DBN1: variants seen among roughly 807,000 people sequenced by gnomAD.
DBN1 encodes the protein drebrin.
In DBN1, 21 loss-of-function variants were observed where a neutral mutation model predicts 83.5. That is an observed-to-expected ratio of 0.25 (90% CI 0.18 to 0.36). The LOEUF is 0.36. Among genes scored for constraint, DBN1 ranks in the 10% least tolerant of loss-of-function variants. The pLI is 1.00. For missense variants in DBN1, 874 were observed against 935.7 expected (o/e 0.93, Z 0.86); for synonymous variants, 381 against 384.9 (o/e 0.99, Z 0.12).
intron 8 of DBN1, chr5:177,462,403 T>C (rs1056339547): frequency 1.0e-6 from 1 of 985,386 alleles, no homozygotes; most frequent in Admixed American, 6.1e-5. Flanking sequence ...CACTGCTTCC[T>C]GGGGAAGGAC....
At chr5:177,473,269 C>T in intron 1 of DBN1, 167 bp downstream of exon 1, 1 of 333,344 alleles carries the variant, frequency 3.0e-6, no homozygotes, top group Non-Finnish European at 5.2e-6. Flanking sequence ...GCCCGCCGGC[C>T]CCTCCCCCGG....
intron 8 of DBN1, 142 bp from the exon 9 acceptor site, chr5:177,460,845 T>A (rs1756978954): frequency 2.5e-6 from 2 of 785,106 alleles, no homozygotes; most frequent in Admixed American, 5.0e-5. Context: ...AGTGGTACAA[T>A]CACGGCTCAC....
Position 177,467,365 on chromosome 5 carries a change from T to C in DBN1, c.478-33A>G. 2 of 1,613,982 alleles carry C rather than the reference T, an allele frequency of 1.2e-6. No homozygotes were observed. Among genetic ancestry groups the C allele is most frequent in the Non-Finnish European group, 8.5e-7 (1 of 1,179,870 alleles). ...GTCGAAGGACCCAGCATAAGCAGGC[T>C]GAATGCCCCAGGAACCCCCGACACC... is the stretch of plus-strand genomic sequence containing the variant. On this transcript the variant is annotated intron_variant, in intron 5 of 14. Transcript: ENST00000393565. The surrounding 1 kb of genome is among the most constrained non-coding windows in gnomAD (Gnocchi z 9.1).
At chr5:177,468,392 G>A (rs561158722) in intron 2 of DBN1, among the ~76,000 whole-genome samples, 172 bp from the exon 3 acceptor site, 105 of 152,244 alleles carry the variant, frequency 6.9e-4, no homozygotes, top group South Asian at 1.2e-3. Flanking sequence ...GGGTGGTGGC[G>A]CACAGGGATG....
chr5:177,472,879 G>C, intron 1 of DBN1: 1 of 984,890 alleles, frequency 1.0e-6, no homozygotes, highest in Non-Finnish European at 1.2e-6. Context: ...TCGGGGGGAG[G>C]GCGGCCCACT....
At chr5:177,471,367 C>T (rs1291357181) in intron 1 of DBN1, among the ~76,000 whole-genome samples, 1 of 152,120 alleles carries the variant, frequency 6.6e-6, no homozygotes, top group Non-Finnish European at 1.5e-5. Context: ...TCCCACCACA[C>T]AACCTCATTT....
Position 177,459,737 on chromosome 5 carries a change from C to T in DBN1, c.959G>A (p.Arg320His), listed in dbSNP as rs1158454659. The change falls in exon 11 of 15, where the codon CGT (arginine) becomes CAT (histidine). Residue 320 changes from arginine (R) to histidine (H), a missense_variant. Coordinates refer to ENST00000393565, the MANE Select transcript of DBN1 (RefSeq NM_001363541.2). The part of the protein sequence containing the change: ...VPSPFNHRPG[R>H]PYCPFIKASD... ...TGCCTTTATGAAAGGGCAGTACGGA[C>T]GACCTGCCGAGAGAGACAGACAGAG... The T allele has an allele frequency of 4.0e-6, 6 of 1,503,942 alleles. No homozygotes were observed. Among genetic ancestry groups the T allele is most frequent in the African/African-American group, 1.4e-5 (1 of 70,928 alleles). The allele number at this position is 1,503,942 out of a possible 1,614,324, so 93.2% of individuals were successfully genotyped here.
intron 12 of DBN1, 48 bp from the exon 13 acceptor site, chr5:177,458,755 A>C (rs1204307889): frequency 1.4e-6 from 2 of 1,435,886 alleles, no homozygotes; most frequent in African/African-American, 2.9e-5. Flanking sequence ...CCCCTCGGGG[A>C]GGATGGAGAC....
chr5:177,463,168 C>G (rs1357690750), intron 8 of DBN1, among the ~76,000 whole-genome samples: 1 of 152,180 alleles, frequency 6.6e-6, no homozygotes, highest in African/African-American at 2.4e-5. Context: ...TCCCGAGTAG[C>G]TGGGACTACA....
At chr5:177,472,295 G>T (rs1041632693) in intron 1 of DBN1, 36 of 1,584,006 alleles carry the variant, frequency 2.3e-5, no homozygotes, top group Non-Finnish European at 2.7e-5. Flanking sequence ...CCCAAGCGGG[G>T]TCCCTCAGAC....
intron 1 of DBN1, among the ~76,000 whole-genome samples, chr5:177,469,192 G>C (rs1291990826): frequency 6.6e-6 from 1 of 152,148 alleles, no homozygotes; most frequent in Non-Finnish European, 1.5e-5. Context: ...CCAGTGGAGC[G>C]GGTGTGTGAT....
Position 177,456,692 on chromosome 5 carries a change from A to AAAAC in DBN1, c.*740_*741insGTTT, listed in dbSNP as rs1756506492. The AAAAC allele has an allele frequency of 2.0e-5, 3 of 148,096 alleles. No homozygotes were observed. The highest frequency in any genetic ancestry group is 7.9e-5 in the African/African-American group (3 of 38,016). The allele number at this position is 148,096 out of a possible 1,614,324, so 9.2% of individuals were successfully genotyped here. On this transcript the variant is annotated 3_prime_UTR_variant, in exon 15 of 15. Coordinates refer to ENST00000393565, the MANE Select transcript of DBN1 (RefSeq NM_001363541.2). Reference sequence around the variant, plus strand: ...GCTTTCCAAAAAAAAAAAAAAAAAAAAAAAAAAAACAGTTACTAAACGTGA... The same window carrying AAAAC: ...GCTTTCCAAAAAAAAAAAAAAAAAAAAAACAAAAAAAAACAGTTACTAAACGTGA...
intron 1 of DBN1, among the ~76,000 whole-genome samples, chr5:177,470,763 G>A (rs577600351): frequency 6.6e-6 from 1 of 152,258 alleles, no homozygotes; most frequent in East Asian, 1.9e-4. Context: ...GCCCCTCCCA[G>A]AGCACCCACC....
chr5:177,467,290 G>A lies in DBN1; in HGVS notation c.520C>T (p.Arg174Trp), dbSNP rs376118175. 2.8e-5 allele frequency: 45 copies of A among 1,614,036 alleles called. No homozygotes were observed. The highest frequency in any genetic ancestry group is 3.5e-5 in the Non-Finnish European group (41 of 1,180,022). ...TCCCAGAACTGCTCTCGGTTAATCC[G>A]CTTCATTTCCACAGCTGCATCCGTC... ...QKTDAAVEMK[R>W]INREQFWEQA... The change falls in exon 6 of 15, where the codon CGG becomes TGG. Residue 174 changes from arginine to tryptophan, a missense_variant. Around this residue, in one of 4 missense-constraint regions of DBN1, gnomAD observed 725 missense variants for 719.7 expected, o/e 1.01. Transcript: ENST00000393565. This position sits in a 1 kb window ranked among gnomAD's most constrained non-coding sequence, Gnocchi z 9.1.
Position 177,461,154 on chromosome 5 carries a change from A to G in DBN1, c.772-451T>C, listed in dbSNP as rs1338454013. Among the ~76,000 whole-genome samples, 12 of 123,660 alleles carry G rather than the reference A, an allele frequency of 9.7e-5. No individual in the cohort carries two copies. In the East Asian group the frequency reaches 1.4e-3, roughly 15 times the overall value. 81.1% of individuals were successfully genotyped at this position (123,660 alleles called of 152,430 possible). ...CGCTCTGTCGCCCAGGCTGGAGTGC[A>G]GTGGCGGGATCTCGGCTCACTGCAA... On this transcript the variant is annotated intron_variant, in intron 8 of 14. Coordinates refer to ENST00000393565, the MANE Select transcript of DBN1 (RefSeq NM_001363541.2).
At chr5:177,468,632 A>G (rs1282693848) in intron 2 of DBN1, 15 of 426,878 alleles carry the variant, frequency 3.5e-5, no homozygotes, top group African/African-American at 8.0e-5. Context: ...TTGGAGGCTC[A>G]GCCTCAGAAG....
At chr5:177,463,881 G>GAGAC (rs1757220681) in intron 8 of DBN1, among the ~76,000 whole-genome samples, 2 of 152,284 alleles carry the variant, frequency 1.3e-5, no homozygotes, top group Non-Finnish European at 2.9e-5. Context: ...TTGGGAGGCC[G>GAGAC]AGGTGGGAGG....
intron 8 of DBN1, among the ~76,000 whole-genome samples, chr5:177,461,080 G>A (rs898906138): frequency 1.3e-5 from 2 of 148,376 alleles, no homozygotes; most frequent in African/African-American, 2.5e-5. Context: ...ACCAGTGCCC[G>A]GCCTTCTGGC....
At position 177,457,409 on chromosome 5, in the gene DBN1, G is replaced by C. The variant is rs555696878; in HGVS notation, c.*24C>G. The C allele has an allele frequency of 1.9e-6, 3 of 1,608,664 alleles. No individual in the cohort carries two copies. In the African/African-American group the frequency reaches 4.0e-5, roughly 21 times the overall value. ...GATGCAGGTGGGCGGCCTTGGCAAG[G>C]GTAGCCTAGGGCTGGCGCCACCGCT... is the stretch of plus-strand genomic sequence containing the variant. On this transcript the variant is annotated 3_prime_UTR_variant, in exon 15 of 15. Coordinates refer to ENST00000393565, the MANE Select transcript of DBN1 (RefSeq NM_001363541.2).
Sources: allele counts gnomAD v4.1 joint callset (sites outside exome capture counted in the v4.1 genomes callset), GRCh38; gene constraint gnomAD v4.1.1; regional missense constraint gnomAD v4.1.1; non-coding constraint Gnocchi (gnomAD v3.1); transcripts MANE v1.5; gene names NCBI Gene and HGNC (gene_info 2026-07-23, HGNC 2026-07-21).